HACD3: variants seen among roughly 807,000 people sequenced by gnomAD.
HACD3 encodes very-long-chain (3R)-3-hydroxyacyl-CoA dehydratase 3.
A neutral mutation model predicts 55.2 loss-of-function variants in HACD3; 30 were observed. That is an observed-to-expected ratio of 0.54 (90% CI 0.41 to 0.74). HACD3 has a LOEUF of 0.74. HACD3 is among the 30% of genes least tolerant of loss of function. The pLI is 0.00. For missense variants in HACD3, 363 were observed against 440.1 expected, an observed-to-expected ratio of 0.82 and a Z score of 1.57; for synonymous variants, 141 against 151.7, an observed-to-expected ratio of 0.93 and a Z score of 0.52.
At position 65,576,215 on chromosome 15, in the gene HACD3, G is replaced by A. The variant is rs75776214; in HGVS notation, c.1013-88G>A. ...TAAGCTTTTTGCTGTGGAATATGAC[G>A]ACAGCTAGATACTGTCCCTGCCACA... On this transcript the variant is annotated intron_variant, in intron 10 of 10. Coordinates refer to ENST00000261875, the MANE Select transcript of HACD3 (RefSeq NM_016395.4). 7.3e-6 allele frequency: 11 copies of A among 1,513,960 alleles called. No homozygotes were observed. The African/African-American group carries it at 1.4e-4, about 20-fold the overall frequency. The allele number at this position is 1,513,960 out of a possible 1,614,324, so 93.8% of individuals were successfully genotyped here. A position where few individuals can be genotyped will look rare whatever the true frequency, so the allele number is the denominator to read the frequency against.
chr15:65,570,297 T>C, intron 8 of HACD3, 94 bp downstream of exon 8: 1 of 928,204 alleles, frequency 1.1e-6, no homozygotes, highest in Non-Finnish European at 1.7e-6. Flanking sequence ...AGAGTCTCAT[T>C]TGGTTTGGGA....
At position 65,549,016 on chromosome 15, in the gene HACD3, C is replaced by T. The variant is rs148941050; in HGVS notation, c.88-2660C>T. Among the ~76,000 whole-genome samples the T allele has an allele frequency of 2.1e-3, 317 of 152,298 alleles. 1 individual carries two copies. Among genetic ancestry groups the T allele is most frequent in the African/African-American group, 7.1e-3 (297 of 41,560 alleles). ...AGCTGGGACTATAGGTGCATGGCAC[C>T]GGGCCTGGCTGTTCACTCCTCCTTT... is the stretch of plus-strand genomic sequence containing the variant. On this transcript the variant is annotated intron_variant, in intron 1 of 10. Coordinates refer to ENST00000261875, the MANE Select transcript of HACD3 (RefSeq NM_016395.4).
At chr15:65,548,962 A>G (rs1426495342) in intron 1 of HACD3, among the ~76,000 whole-genome samples, 1 of 152,172 alleles carries the variant, frequency 6.6e-6, no homozygotes, top group East Asian at 1.9e-4. Flanking sequence ...CCTGGGTTCA[A>G]GTGATCCTCC....
At chr15:65,538,544 G>A (rs1189113922) in intron 1 of HACD3, among the ~76,000 whole-genome samples, 1 of 152,210 alleles carries the variant, frequency 6.6e-6, no homozygotes. Flanking sequence ...TATTGAGATG[G>A]AATCTATTTC....
At chr15:65,537,950 AAAAAAAAAATATAT>A (rs1193102211) in intron 1 of HACD3, among the ~76,000 whole-genome samples, 4 of 52,532 alleles carry the variant, frequency 7.6e-5, no homozygotes, top group African/African-American at 4.0e-4. Context: ...AAAAAAAAAA[AAAAAAAAAATATAT>A]ATATATATAT....
At position 65,545,289 on chromosome 15, in the gene HACD3, AT is replaced by A. The variant is rs1332606424; in HGVS notation, c.88-6382del. 2.0e-5 allele frequency among the ~76,000 whole-genome samples: 3 copies of A among 152,328 alleles called. No homozygotes were observed. The South Asian group carries it at 6.2e-4, about 32-fold the overall frequency. Reference sequence around the variant, plus strand: ...TAAGTAACCATATCACCTATGAAATATTTTTGTTAAAAATGGTTAATATGAA... The same window carrying A: ...TAAGTAACCATATCACCTATGAAATATTTTGTTAAAAATGGTTAATATGAA... On this transcript the variant is annotated intron_variant, in intron 1 of 10. Coordinates refer to ENST00000261875, the MANE Select transcript of HACD3 (RefSeq NM_016395.4).
At chr15:65,541,216 A>G (rs1385285018) in intron 1 of HACD3, among the ~76,000 whole-genome samples, 1 of 152,196 alleles carries the variant, frequency 6.6e-6, no homozygotes, top group Admixed American at 6.6e-5. Context: ...ATAGAATTTT[A>G]TAGTATCTTA....
rs187398104 is a variant in HACD3 at position 65,556,966 on chromosome 15, G to T, written c.369+63G>T. ...ATCATGGGGAACCCACGTTATTCAG[G>T]CCACTTCAGATACCTCTCGGTCTGA... On this transcript the variant is annotated intron_variant, in intron 4 of 10. Coordinates refer to ENST00000261875, the MANE Select transcript of HACD3 (RefSeq NM_016395.4). The T allele has an allele frequency of 2.7e-6, 4 of 1,476,466 alleles. No individual in the cohort carries two copies. In the Admixed American group the frequency reaches 8.0e-5, roughly 29 times the overall value. The allele number at this position is 1,476,466 out of a possible 1,614,324, so 91.5% of individuals were successfully genotyped here.
intron 1 of HACD3, among the ~76,000 whole-genome samples, chr15:65,546,110 C>T (rs371893055): frequency 1.6e-4 from 24 of 152,200 alleles, no homozygotes; most frequent in African/African-American, 4.8e-4. Flanking sequence ...GTGAGCGACC[C>T]GTCTTGAATG....
At chr15:65,535,982 G>A (rs2071950884) in intron 1 of HACD3, 7 of 409,688 alleles carry the variant, frequency 1.7e-5, no homozygotes, top group East Asian at 3.6e-5. Context: ...GAACCACTGT[G>A]CCTAGCCTTG....
At chr15:65,559,103 A>G (rs2072221360) in intron 5 of HACD3, among the ~76,000 whole-genome samples, 2 of 152,174 alleles carry the variant, frequency 1.3e-5, no homozygotes, top group African/African-American at 4.8e-5. Flanking sequence ...TGAAATCTCA[A>G]AGGCTGTATG....
chr15:65,558,177 A>T (rs1447807433), intron 4 of HACD3, among the ~76,000 whole-genome samples: 1 of 152,132 alleles, frequency 6.6e-6, no homozygotes, highest in Admixed American at 6.5e-5. Context: ...ATATGTTTGG[A>T]TAGTAACCCA....
At position 65,572,355 on chromosome 15, in the gene HACD3, T is replaced by A. The variant is rs1475791000; in HGVS notation, c.1001T>A (p.Met334Lys). Residue 334 changes from methionine (M) to lysine (K), a missense_variant, in exon 10 of 11, where the codon ATG (methionine) becomes AAG (lysine). By Grantham distance (95) the Met-to-Lys change is moderately conservative (BLOSUM62 -1). Coordinates refer to ENST00000261875, the MANE Select transcript of HACD3 (RefSeq NM_016395.4). ...FSFFLQIYLI[M>K]IFLGLYINFR... ...TTTTTTCTTCAGATTTATCTTATAA[T>A]GATATTTTTAGGTAAGTATTGATTC... 3.7e-6 allele frequency: 6 copies of A among 1,604,814 alleles called. No homozygotes were observed. The highest frequency in any genetic ancestry group is 4.3e-6 in the Non-Finnish European group (5 of 1,175,158).
At chr15:65,565,474 G>A (rs2072281899) in intron 7 of HACD3, 1 of 152,248 alleles carries the variant, frequency 6.6e-6, no homozygotes, top group Non-Finnish European at 1.5e-5. Context: ...TCTGGGCGGA[G>A]GTTTCCAAAC....
chr15:65,571,756 A>G, intron 9 of HACD3, 102 bp downstream of exon 9: 4 of 894,944 alleles, frequency 4.5e-6, no homozygotes, highest in Non-Finnish European at 6.8e-6. Flanking sequence ...ATAAATGGAA[A>G]TGTTGGATTT....
intron 5 of HACD3, among the ~76,000 whole-genome samples, chr15:65,561,381 G>C (rs2072242804): frequency 6.6e-6 from 1 of 151,966 alleles, no homozygotes; most frequent in Non-Finnish European, 1.5e-5. Flanking sequence ...CAGGAGAATT[G>C]CTTGAACCTG....
chr15:65,558,791 G>C, intron 5 of HACD3, 60 bp downstream of exon 5: 5 of 1,518,472 alleles, frequency 3.3e-6, no homozygotes, highest in Non-Finnish European at 4.5e-6. Context: ...TGGAAGTATG[G>C]ATAATTGTGA....
chr15:65,557,982 A>G (rs1426269561), intron 4 of HACD3, among the ~76,000 whole-genome samples: 2 of 142,378 alleles, frequency 1.4e-5, no homozygotes, highest in Non-Finnish European at 3.0e-5. Context: ...TTCTGGCAGT[A>G]TAAGCTGCTC....
At position 65,578,170 on chromosome 15, in the gene HACD3, G is replaced by A. The variant is rs543236981; in HGVS notation, c.*1791G>A. The stretch of plus-strand genomic sequence containing the variant: ...CTGTAACACCTGTCAATACTTGTTT[G>A]TATTGATTTCTGATATTCTTGCAGC... On this transcript the variant is annotated 3_prime_UTR_variant, in exon 11 of 11. Coordinates refer to ENST00000261875, the MANE Select transcript of HACD3 (RefSeq NM_016395.4). 5.3e-5 allele frequency: 8 copies of A among 152,324 alleles called. No homozygotes were observed. In the South Asian group the frequency reaches 8.3e-4, roughly 16 times the overall value. The allele number at this position is 152,324 out of a possible 1,614,324, so 9.4% of individuals were successfully genotyped here.
Sources: gnomAD v4.1 joint callset for allele counts (sites outside exome capture counted in the v4.1 genomes callset) on GRCh38, gnomAD v4.1.1 for gene constraint, MANE v1.5 for transcripts, NCBI Gene and HGNC (gene_info 2026-07-23, HGNC 2026-07-21) for gene names.